The following GLIS3 variants were observed in gnomAD, a reference collection of about 807,000 sequenced individuals.
GLIS3 encodes zinc finger protein GLIS3.
GLIS3 carries 53 observed loss-of-function variants against 78.6 expected under a neutral mutation model. That is an observed-to-expected ratio of 0.67 (90% confidence interval 0.54 to 0.85). The LOEUF is 0.85. GLIS3 is among the 40% of genes least tolerant of loss of function. GLIS3 has a pLI of 0.00. For missense variants in GLIS3, 1,703 were observed against 1,231.1 expected (o/e 1.38, Z -5.74); for synonymous variants, 684 against 509.9 (o/e 1.34, Z -4.60).
At chr9:4,187,617 C>A (rs1337260324) in intron 2 of GLIS3, among the ~76,000 whole-genome samples, 3 of 152,176 alleles carry the variant, frequency 2.0e-5, no homozygotes, top group Admixed American at 6.5e-5. Flanking sequence ...ATTGATTCTT[C>A]CTACCCATGA....
the GLIS3 span, among the ~76,000 whole-genome samples, chr9:4,406,063 C>A: frequency 6.6e-6 from 1 of 152,134 alleles, no homozygotes; most frequent in Non-Finnish European, 1.5e-5. Context: ...AAGGAACATA[C>A]CTCAACATAA....
In GLIS3 at chr9:4,318,111, C is replaced by T. The variant is rs190225211; in HGVS notation, n.265-7583G>A. On this transcript the variant is annotated intron_variant and non_coding_transcript_variant, in intron 2 of 4. Coordinates refer to the GLIS3 transcript ENST00000471664. Reference sequence around the variant, plus strand: ...AAAGGAGGAAGCATGCTTTAAAATGCATGCTTTGAACAAATGTATTGGTAT... The same window carrying T: ...AAAGGAGGAAGCATGCTTTAAAATGTATGCTTTGAACAAATGTATTGGTAT... Among the ~76,000 whole-genome samples the T allele has an allele frequency of 4.6e-5, 7 of 152,226 alleles. No homozygotes were observed. In the East Asian group the frequency reaches 1.2e-3, roughly 25 times the overall value.
chr9:4,210,080 T>C (rs1165596111), intron 2 of GLIS3, among the ~76,000 whole-genome samples: 3 of 152,218 alleles, frequency 2.0e-5, no homozygotes, highest in South Asian at 4.1e-4. Context: ...GCCTGGCACA[T>C]AGTGGGCACC....
chr9:4,013,168 T>C (rs899191527), intron 4 of GLIS3, among the ~76,000 whole-genome samples: 2 of 152,106 alleles, frequency 1.3e-5, no homozygotes, highest in African/African-American at 4.8e-5. Flanking sequence ...GGTTCTCTGG[T>C]GGCCCGTGAC....
intron 4 of GLIS3, among the ~76,000 whole-genome samples, chr9:3,962,506 G>A (rs1817633667): frequency 6.6e-6 from 1 of 152,180 alleles, no homozygotes; most frequent in South Asian, 2.1e-4. Context: ...AACACTGTAA[G>A]TGTACATCTG....
In GLIS3 at chr9:4,048,785, T is replaced by C. The variant is rs372355458; in HGVS notation, c.1710+68983A>G. ...ACCCATCAGGTGACTAGGCCTAGCC[T>C]ATGCACCTGTTAGGATTCCTGCACA... On this transcript the variant is annotated intron_variant, in intron 4 of 10. Transcript: ENST00000381971. 5.9e-5 allele frequency among the ~76,000 whole-genome samples: 9 copies of C among 152,320 alleles called. No homozygotes were observed. In the East Asian group the frequency reaches 1.3e-3, roughly 23 times the overall value.
At chr9:4,478,599 T>C in the GLIS3 span, among the ~76,000 whole-genome samples, 3 of 144,896 alleles carry the variant, frequency 2.1e-5, no homozygotes, top group Admixed American at 6.9e-5. Context: ...CGACAGAGAT[T>C]CCATCTAAAA....
chr9:4,138,381 C>T (rs987927151), intron 2 of GLIS3, among the ~76,000 whole-genome samples: 18 of 152,124 alleles, frequency 1.2e-4, no homozygotes, highest in Non-Finnish European at 2.5e-4. Flanking sequence ...TTAACTAACA[C>T]AGGAAACAAT....
intron 4 of GLIS3, among the ~76,000 whole-genome samples, chr9:4,052,652 A>C (rs535776839): frequency 6.6e-6 from 1 of 152,330 alleles, no homozygotes; most frequent in African/African-American, 2.4e-5. Flanking sequence ...TCAATGTTGC[A>C]GCATGTATCA....
chr9:4,419,371 T>C, the GLIS3 span, among the ~76,000 whole-genome samples: 2 of 152,150 alleles, frequency 1.3e-5, no homozygotes, highest in Non-Finnish European at 2.9e-5. Flanking sequence ...TTCTGCAGGC[T>C]GTACAGGAAG....
At chr9:4,179,528 C>CTATT (rs1246996595) in intron 2 of GLIS3, among the ~76,000 whole-genome samples, 1 of 152,292 alleles carries the variant, frequency 6.6e-6, no homozygotes, top group South Asian at 2.1e-4. Context: ...TTTGGAAACA[C>CTATT]TATTTATTAA....
intron 6 of GLIS3, among the ~76,000 whole-genome samples, chr9:3,905,003 T>C (rs915641577): frequency 3.3e-5 from 5 of 151,406 alleles, no homozygotes; most frequent in Admixed American, 6.6e-5. Context: ...GACGGAGTCT[T>C]GCTCTGTCTC....
intron 4 of GLIS3, among the ~76,000 whole-genome samples, chr9:4,035,651 T>G (rs1411996008): frequency 6.6e-6 from 1 of 152,052 alleles, no homozygotes; most frequent in Non-Finnish European, 1.5e-5. Flanking sequence ...CTCCACCTGG[T>G]GCCAGAATAA....
chr9:4,194,340 G>A (rs1484886792), intron 2 of GLIS3, among the ~76,000 whole-genome samples: 4 of 152,166 alleles, frequency 2.6e-5, no homozygotes, highest in African/African-American at 9.7e-5. Flanking sequence ...GATTACAGGC[G>A]TGAGCCACAG....
chr9:4,344,457 G>A (rs551456696), intron 2 of GLIS3, among the ~76,000 whole-genome samples: 49 of 152,236 alleles, frequency 3.2e-4, no homozygotes, highest in Non-Finnish European at 4.9e-4. Context: ...TTCTGACTTC[G>A]TTATCACGTC....
intron 2 of GLIS3, among the ~76,000 whole-genome samples, chr9:4,334,729 T>C (rs1817731153): frequency 6.6e-6 from 1 of 152,094 alleles, no homozygotes. Flanking sequence ...AGTCACAGCA[T>C]TCATTCTCAC....
chr9:4,368,675 C>A, the GLIS3 span, among the ~76,000 whole-genome samples: 1 of 152,178 alleles, frequency 6.6e-6, no homozygotes, highest in Non-Finnish European at 1.5e-5. Context: ...CTTCTTAAGC[C>A]AAGCACTGGC....
chr9:3,880,900 A>G (rs898578135), intron 7 of GLIS3, among the ~76,000 whole-genome samples: 1 of 152,190 alleles, frequency 6.6e-6, no homozygotes, highest in Admixed American at 6.5e-5. Context: ...TGTCAGGTTA[A>G]CTCTTGTCCT....
chr9:4,003,530 A>G (rs1024548529), intron 4 of GLIS3, among the ~76,000 whole-genome samples: 2 of 152,178 alleles, frequency 1.3e-5, no homozygotes, highest in Non-Finnish European at 2.9e-5. Context: ...ATAAATACAC[A>G]CTGAAGAACC....
Sources: gnomAD v4.1 joint callset for allele counts (sites outside exome capture counted in the v4.1 genomes callset) on GRCh38, gnomAD v4.1.1 for gene constraint, MANE v1.5 for transcripts, NCBI Gene and HGNC (gene_info 2026-07-23, HGNC 2026-07-21) for gene names.